CSMD3: variants seen among roughly 807,000 people sequenced by gnomAD.
The protein encoded by CSMD3 is CUB and Sushi multiple domains 3.
A neutral mutation model predicts 435.2 loss-of-function variants in CSMD3; 177 were observed. That is an observed-to-expected ratio of 0.41 (90% confidence interval 0.36 to 0.46). CSMD3 has a LOEUF of 0.46. Among genes scored for constraint, CSMD3 ranks in the 20% least tolerant of loss-of-function variants. The probability of loss-of-function intolerance (pLI) is 0.34; values close to 1 mark genes in which losing one functional copy is unlikely to be tolerated. For missense variants in CSMD3, 4,265 were observed against 4,504.6 expected, an observed-to-expected ratio of 0.95 and a Z score of 1.52; for synonymous variants, 1,656 against 1,520.5, an observed-to-expected ratio of 1.09 and a Z score of -2.07.
At chr8:112,266,484 C>T (rs1387365199) in intron 59 of CSMD3, among the ~76,000 whole-genome samples, 2 of 152,164 alleles carry the variant, frequency 1.3e-5, no homozygotes, top group African/African-American at 2.4e-5. Flanking sequence ...TGCACTGTTC[C>T]AGTGGACTTC....
chr8:113,168,913 A>G lies in CSMD3; in HGVS notation c.709+4809T>C, dbSNP rs183369562. ...GATTTCCTACTGCCTTTGTGAGGTAATTTCCAGATACAGAGCAGGGAACAA... is the reference window on the plus strand; with the variant it reads ...GATTTCCTACTGCCTTTGTGAGGTAGTTTCCAGATACAGAGCAGGGAACAA... On this transcript the variant is annotated intron_variant, in intron 4 of 70. Transcript: ENST00000297405. Among the ~76,000 whole-genome samples the G allele has an allele frequency of 1.1e-4, 16 of 152,250 alleles. No individual in the cohort carries two copies. The East Asian group carries it at 2.9e-3, about 28-fold the overall frequency.
intron 1 of CSMD3, among the ~76,000 whole-genome samples, chr8:113,382,195 ATTCT>A (rs2094418930): frequency 2.6e-5 from 4 of 152,188 alleles, no homozygotes; most frequent in Admixed American, 2.6e-4. Flanking sequence ...TTGATAAATT[ATTCT>A]TTAAAAACGT....
At chr8:112,901,295 TACA>T (rs1450106984) in intron 10 of CSMD3, among the ~76,000 whole-genome samples, 4 of 151,310 alleles carry the variant, frequency 2.6e-5, no homozygotes, top group Non-Finnish European at 4.4e-5. Context: ...TCCATTTAAA[TACA>T]ACATTAAAAG....
intron 22 of CSMD3, among the ~76,000 whole-genome samples, chr8:112,599,547 C>A (rs1239355588): frequency 6.6e-6 from 1 of 151,960 alleles, no homozygotes. Flanking sequence ...ATAAATCATG[C>A]TGCTATAAAG....
chr8:112,958,848 T>C (rs1055811569), intron 7 of CSMD3, among the ~76,000 whole-genome samples: 9 of 152,156 alleles, frequency 5.9e-5, no homozygotes, highest in Non-Finnish European at 5.9e-5. Flanking sequence ...ATAAAATAGA[T>C]TGGGAAGTAC....
At chr8:112,413,499 A>C (rs1811576699) in intron 32 of CSMD3, among the ~76,000 whole-genome samples, 1 of 152,164 alleles carries the variant, frequency 6.6e-6, no homozygotes, top group African/African-American at 2.4e-5. Flanking sequence ...TAAATCAATA[A>C]ATGATGACAG....
At chr8:112,468,240 T>G (rs1261906095) in intron 32 of CSMD3, among the ~76,000 whole-genome samples, 2 of 151,022 alleles carry the variant, frequency 1.3e-5, no homozygotes, top group Non-Finnish European at 3.0e-5. Context: ...AAGTATTTTT[T>G]TTTTTTTTTT....
intron 13 of CSMD3, among the ~76,000 whole-genome samples, chr8:112,790,788 T>A (rs2078668825): frequency 6.6e-6 from 1 of 152,188 alleles, no homozygotes; most frequent in Non-Finnish European, 1.5e-5. Flanking sequence ...TGTTCTTGCC[T>A]TTTTAATTGT....
chr8:113,376,939 C>T, intron 1 of CSMD3: 1 of 1,375,892 alleles, frequency 7.3e-7, no homozygotes. Context: ...GGATGACGTG[C>T]GGGTTCAGGA....
At chr8:113,151,302 T>C (rs1037788368) in intron 4 of CSMD3, among the ~76,000 whole-genome samples, 4 of 151,964 alleles carry the variant, frequency 2.6e-5, no homozygotes, top group African/African-American at 7.2e-5. Flanking sequence ...CCTTCACATA[T>C]ATTCATTATT....
At chr8:113,245,536 T>C (rs1167628342) in intron 3 of CSMD3, among the ~76,000 whole-genome samples, 2 of 152,078 alleles carry the variant, frequency 1.3e-5, no homozygotes, top group Non-Finnish European at 2.9e-5. Context: ...ATATGCCATC[T>C]TCTCCAACCC....
intron 10 of CSMD3, among the ~76,000 whole-genome samples, chr8:112,915,128 A>C (rs1459574746): frequency 1.3e-5 from 2 of 151,942 alleles, no homozygotes; most frequent in African/African-American, 4.8e-5. Context: ...ATAATTTTTC[A>C]ACATTTCCTT....
intron 39 of CSMD3, 70 bp downstream of exon 39, chr8:112,352,346 C>T: frequency 6.2e-7 from 1 of 1,603,380 alleles, no homozygotes. Flanking sequence ...CGTGGCTTAT[C>T]AATCATTGAT....
intron 22 of CSMD3, among the ~76,000 whole-genome samples, chr8:112,587,905 T>C (rs1278606163): frequency 6.6e-6 from 1 of 151,874 alleles, no homozygotes; most frequent in Middle Eastern, 3.2e-3. Flanking sequence ...CTGCTAAACC[T>C]TCAGGACTAA....
chr8:113,356,445 C>CA (rs1229573412), intron 1 of CSMD3, among the ~76,000 whole-genome samples: 10 of 151,546 alleles, frequency 6.6e-5, no homozygotes, highest in African/African-American at 2.2e-4. Context: ...TAAATATGAA[C>CA]AAAAAAACAA....
intron 5 of CSMD3, among the ~76,000 whole-genome samples, chr8:113,079,884 A>C (rs1186394403): frequency 6.6e-6 from 1 of 152,186 alleles, no homozygotes; most frequent in Non-Finnish European, 1.5e-5. Context: ...CATATAAGCA[A>C]GATGTTAAAG....
intron 10 of CSMD3, among the ~76,000 whole-genome samples, chr8:112,886,915 A>AT (rs903707687): frequency 4.4e-4 from 67 of 151,142 alleles, no homozygotes; most frequent in Non-Finnish European, 7.1e-4. Flanking sequence ...ATTATTACAT[A>AT]TTTTTTTTCC....
At chr8:112,408,893 T>C (rs1180126802) in intron 33 of CSMD3, 26 bp downstream of exon 33, 3 of 1,613,174 alleles carry the variant, frequency 1.9e-6, no homozygotes, top group East Asian at 2.2e-5. Context: ...CAGTAACTGA[T>C]GCATGGCAGT....
Position 112,471,303 on chromosome 8 carries a change from T to C in CSMD3, c.5395+1288A>G, listed in dbSNP as rs565473104. The stretch of plus-strand genomic sequence containing the variant: ...GGATTCTGTCAGCAACCATGTAACA[T>C]TTTTTTGCATCTGGGGAGCATAAAA... On this transcript the variant is annotated intron_variant, in intron 32 of 70. Coordinates refer to ENST00000297405, the MANE Select transcript of CSMD3 (RefSeq NM_198123.2). Among the ~76,000 whole-genome samples, 179 of 148,668 alleles carry C rather than the reference T, an allele frequency of 1.2e-3. 1 individual carries two copies. Among genetic ancestry groups the C allele is most frequent in the Middle Eastern group, 0.01 (3 of 290 alleles).
Sources: allele counts gnomAD v4.1 joint callset (sites outside exome capture counted in the v4.1 genomes callset), GRCh38; gene constraint gnomAD v4.1.1; transcripts MANE v1.5; gene names NCBI Gene and HGNC (gene_info 2026-07-23, HGNC 2026-07-21).